The following ADGRG3 variants were observed in gnomAD, a reference collection of about 807,000 sequenced individuals.
ADGRG3 encodes the protein adhesion G protein-coupled receptor G3.
A neutral mutation model predicts 54.3 loss-of-function variants in ADGRG3; 39 were observed. The ratio of observed to expected loss-of-function variants is 0.72; its 90% CI spans 0.56 to 0.94. ADGRG3 has a LOEUF of 0.94. Among genes scored for constraint, ADGRG3 ranks in the 40% least tolerant of loss-of-function variants. The probability of loss-of-function intolerance (pLI) is 0.00; values close to 1 mark genes in which losing one functional copy is unlikely to be tolerated. For missense variants in ADGRG3, 654 were observed against 694.6 expected, an observed-to-expected ratio of 0.94 and a Z score of 0.66; for synonymous variants, 312 against 290.0, an observed-to-expected ratio of 1.08 and a Z score of -0.77.
chr16:57,668,352 C>A lies in ADGRG3; in HGVS notation c.5C>A (p.Ala2Glu). Reference sequence around the variant, plus strand: ...CGTGGGCAAGGCTGGCCAAGGATGGCGACGCCCAGGGGCCTGGGGGCCCTG... The same window carrying A: ...CGTGGGCAAGGCTGGCCAAGGATGGAGACGCCCAGGGGCCTGGGGGCCCTG... M[A>E]TPRGLGALLL... Residue 2 changes from alanine (A) to glutamate (E), a missense_variant, in exon 1 of 12, where the codon GCG (alanine) becomes GAG (glutamate). Coordinates refer to ENST00000333493, the MANE Select transcript of ADGRG3 (RefSeq NM_170776.5). 6.4e-7 allele frequency: 1 copy of A among 1,571,358 alleles called. No homozygotes were observed. Among genetic ancestry groups the A allele is most frequent in the Non-Finnish European group, 8.6e-7 (1 of 1,164,604 alleles).
intron 1 of ADGRG3, among the ~76,000 whole-genome samples, chr16:57,669,142 T>C (rs1473510710): frequency 6.6e-6 from 1 of 152,166 alleles, no homozygotes. Flanking sequence ...GCTCCCCCGT[T>C]AGTGCTCCCT....
At chr16:57,679,969 CCCTCCCCTCCTCTTT>C in intron 6 of ADGRG3, 114 bp downstream of exon 6, 1 of 800,746 alleles carries the variant, frequency 1.2e-6, no homozygotes, top group Non-Finnish European at 2.2e-6. Flanking sequence ...CTCTCCCCTC[CCCTCCCCTCCTCTTT>C]GCTCCCTGCA....
intron 3 of ADGRG3, among the ~76,000 whole-genome samples, chr16:57,676,569 T>C (rs1255385841): frequency 6.6e-6 from 1 of 152,236 alleles, no homozygotes; most frequent in Non-Finnish European, 1.5e-5. Context: ...AAGGGTTCGA[T>C]GGACAGACTC....
upstream of ADGRG3, among the ~76,000 whole-genome samples, chr16:57,666,301 G>A (rs1363632064): frequency 6.6e-6 from 1 of 152,222 alleles, no homozygotes; most frequent in Non-Finnish European, 1.5e-5. Flanking sequence ...ATCTGAGGCT[G>A]GCTCAGGTAG....
Position 57,668,380 on chromosome 16 carries a change from C to T in ADGRG3, c.33C>T (p.Leu11=). The T allele has an allele frequency of 1.3e-6, 2 of 1,574,240 alleles. No individual in the cohort carries two copies. The highest frequency in any genetic ancestry group is 1.7e-6 in the Non-Finnish European group (2 of 1,167,550). Residue 11 remains leucine, a synonymous_variant, in exon 1 of 12, where the codon CTC becomes CTT. Coordinates refer to ENST00000333493, the MANE Select transcript of ADGRG3 (RefSeq NM_170776.5). The part of the protein sequence containing the change: MATPRGLGAL[L]LLLLLPTSGQ... ...CGCCCAGGGGCCTGGGGGCCCTGCT[C>T]CTGCTCCTCCTGCTCCCGACCTCAG...
At chr16:57,671,656 A>C (rs2048163612) in intron 1 of ADGRG3, among the ~76,000 whole-genome samples, 1 of 152,166 alleles carries the variant, frequency 6.6e-6, no homozygotes, top group Non-Finnish European at 1.5e-5. Context: ...GTTTTAAAGC[A>C]CATACAGTTA....
chr16:57,666,594 C>G (rs1341452814), upstream of ADGRG3, among the ~76,000 whole-genome samples: 4 of 152,166 alleles, frequency 2.6e-5, no homozygotes, highest in African/African-American at 9.7e-5. Context: ...TTGGGAGAAG[C>G]TGGGGCAGGA....
intron 2 of ADGRG3, 130 bp downstream of exon 2, chr16:57,673,598 G>A: frequency 3.7e-6 from 3 of 809,300 alleles, no homozygotes; most frequent in Non-Finnish European, 5.8e-6. Context: ...CACCTTGTTT[G>A]ACACCACAGT....
intron 8 of ADGRG3, among the ~76,000 whole-genome samples, chr16:57,683,690 C>G (rs1333502553): frequency 2.6e-5 from 4 of 152,190 alleles, no homozygotes; most frequent in African/African-American, 7.2e-5. Flanking sequence ...TCACATTGAT[C>G]AAGGGATGAG....
intron 8 of ADGRG3, among the ~76,000 whole-genome samples, chr16:57,681,726 CAAAAAAAAAAA>C (rs775852211): frequency 1.3e-5 from 1 of 75,214 alleles, no homozygotes; most frequent in East Asian, 3.8e-4. Flanking sequence ...AACTCCGTCT[CAAAAAAAAAAA>C]AAAAAAAAAG....
intron 8 of ADGRG3, among the ~76,000 whole-genome samples, chr16:57,681,866 C>T (rs2048378645): frequency 6.6e-6 from 1 of 152,114 alleles, no homozygotes; most frequent in Non-Finnish European, 1.5e-5. Context: ...AGGTCACATG[C>T]TCATGAAACT....
Position 57,680,321 on chromosome 16 carries a change from AC to A in ADGRG3, c.726del (p.Val243CysfsTer7). ...CTCCACGGAGGTCAGACCTGAGGGG[AC>A]CGTGTGCTGCTGTGACCACCTGACC... is the stretch of plus-strand genomic sequence containing the variant. ...GCSTEVRPEG[T>X]VCCCDHLTFF... On this transcript the variant is annotated frameshift_variant, in exon 7 of 12. Coordinates refer to ENST00000333493, the MANE Select transcript of ADGRG3 (RefSeq NM_170776.5). LOFTEE classifies it high-confidence loss of function. 1.2e-6 allele frequency: 2 copies of A among 1,609,372 alleles called. No homozygotes were observed. Among genetic ancestry groups the A allele is most frequent in the Non-Finnish European group, 1.7e-6 (2 of 1,178,822 alleles).
rs117362517 is a variant in ADGRG3 at position 57,680,868 on chromosome 16, A to G, written c.881+251A>G. On this transcript the variant is annotated intron_variant, in intron 8 of 11. Transcript: ENST00000333493. ...GTTCACGTAACTGAGAATAGCAAAT[A>G]GCAAATAGGGTTCATGTAATTGAAA... Among the ~76,000 whole-genome samples, 608 of 152,346 alleles carry G rather than the reference A, an allele frequency of 4.0e-3. 7 individuals carry two copies. In the Middle Eastern group the frequency reaches 0.061, roughly 15 times the overall value.
chr16:57,677,549 T>A (rs955704617), intron 3 of ADGRG3, among the ~76,000 whole-genome samples: 6 of 152,112 alleles, frequency 3.9e-5, no homozygotes, highest in Non-Finnish European at 7.4e-5. Flanking sequence ...GCCATTGCAC[T>A]CCAGCCTGGG....
chr16:57,688,395 T>G lies in ADGRG3; in HGVS notation c.1584T>G (p.Ser528Arg). 6.2e-7 allele frequency: 1 copy of G among 1,613,750 alleles called. No homozygotes were observed. The highest frequency in any genetic ancestry group is 8.5e-7 in the Non-Finnish European group (1 of 1,179,698). ...GGTTCACCATCCTTTACCTCCCAAG[T>G]CAGAGCACCACAGTCTCCTCCTCTA... ...CCWFTILYLP[S>R]QSTTVSSSTA... is the part of the protein sequence containing the mutation. The change falls in exon 12 of 12, where the codon AGT becomes AGG. Residue 528 changes from serine to arginine, a missense_variant. Transcript: ENST00000333493.
At chr16:57,680,150 C>A in intron 6 of ADGRG3, 115 bp from the exon 7 acceptor site, 1 of 541,658 alleles carries the variant, frequency 1.8e-6, no homozygotes. Context: ...CCTCCTCTCC[C>A]CTCCCTTACC....
upstream of ADGRG3, among the ~76,000 whole-genome samples, chr16:57,666,410 A>G (rs917995501): frequency 2.0e-5 from 3 of 152,200 alleles, no homozygotes; most frequent in Admixed American, 6.5e-5. Context: ...GGTTATTATC[A>G]TGCACTTTCC....
At chr16:57,670,098 G>C (rs1317058651) in intron 1 of ADGRG3, among the ~76,000 whole-genome samples, 4 of 152,154 alleles carry the variant, frequency 2.6e-5, no homozygotes, top group African/African-American at 9.7e-5. Flanking sequence ...CATGCGGGGT[G>C]GGGGCAAATG....
chr16:57,678,977 C>G, intron 4 of ADGRG3, 200 bp from the exon 5 acceptor site: 1 of 613,728 alleles, frequency 1.6e-6, no homozygotes, highest in Non-Finnish European at 2.8e-6. Context: ...GCCAGTTGAC[C>G]TGGCCCAGCC....
Sources: gnomAD v4.1 joint callset for allele counts (sites outside exome capture counted in the v4.1 genomes callset) on GRCh38, gnomAD v4.1.1 for gene constraint, MANE v1.5 for transcripts, NCBI Gene and HGNC (gene_info 2026-07-23, HGNC 2026-07-21) for gene names.